The following FANCL variants were observed in gnomAD, a reference collection of about 807,000 sequenced individuals.
The protein encoded by FANCL is FA complementation group L, also known as E3 ubiquitin-protein ligase FANCL.
A neutral mutation model predicts 59.4 loss-of-function variants in FANCL; 69 were observed. The observed-to-expected ratio is 1.16, with a 90% CI of 0.96 to 1.42. The LOEUF (loss-of-function observed/expected upper bound fraction) is 1.42, where lower values mean the gene tolerates loss of function less well. FANCL is among the 40% of genes most tolerant of loss of function. The pLI is 0.00. For missense variants in FANCL, 519 were observed against 447.2 expected, an observed-to-expected ratio of 1.16 and a Z score of -1.45; for synonymous variants, 180 against 147.1, an observed-to-expected ratio of 1.22 and a Z score of -1.62.
intron 7 of FANCL, among the ~76,000 whole-genome samples, chr2:58,184,694 A>G (rs970811405): frequency 3.9e-5 from 6 of 152,088 alleles, no homozygotes; most frequent in African/African-American, 1.4e-4. Flanking sequence ...CAAAAGCAAT[A>G]AACTGTCTTA....
intron 7 of FANCL, among the ~76,000 whole-genome samples, chr2:58,168,514 G>C (rs1230276177): frequency 5.9e-5 from 9 of 152,060 alleles, no homozygotes; most frequent in Admixed American, 3.9e-4. Context: ...GCACAAAACT[G>C]GGTGGTCATT....
At chr2:58,172,168 A>G (rs1005371742) in intron 7 of FANCL, among the ~76,000 whole-genome samples, 5 of 152,204 alleles carry the variant, frequency 3.3e-5, no homozygotes, top group Non-Finnish European at 5.9e-5. Flanking sequence ...ACCTCTGGGG[A>G]CACGGCACAG....
In FANCL at chr2:58,225,091, T is replaced by A. The variant is rs375705760; in HGVS notation, c.273+1637A>T. ...GTATCAGAAGGCAAACAAGCTTGGG[T>A]TATATTAAATAAAGAGCCAATATGA... On this transcript the variant is annotated intron_variant, in intron 4 of 13. Coordinates refer to ENST00000233741, the MANE Select transcript of FANCL (RefSeq NM_018062.4). Among the ~76,000 whole-genome samples, 49 of 151,804 alleles carry A rather than the reference T, an allele frequency of 3.2e-4. No homozygotes were observed. In the South Asian group the frequency reaches 9.5e-3, roughly 30 times the overall value.
chr2:58,197,350 T>G (rs1483043053), intron 7 of FANCL, among the ~76,000 whole-genome samples: 2 of 152,146 alleles, frequency 1.3e-5, no homozygotes, highest in Non-Finnish European at 2.9e-5. Context: ...TATTTAAATC[T>G]AACCAAAATT....
At chr2:58,180,099 T>G (rs150796502) in intron 7 of FANCL, among the ~76,000 whole-genome samples, 1 of 152,088 alleles carries the variant, frequency 6.6e-6, no homozygotes, top group Non-Finnish European at 1.5e-5. Flanking sequence ...TGTGGAGAAA[T>G]AGGAATGCTT....
At chr2:58,228,628 A>AT (rs1292062589) in intron 3 of FANCL, among the ~76,000 whole-genome samples, 1 of 152,242 alleles carries the variant, frequency 6.6e-6, no homozygotes, top group Non-Finnish European at 1.5e-5. Flanking sequence ...AGAAAAACTT[A>AT]TTATCTGGTT....
chr2:58,177,353 T>G (rs569413378), intron 7 of FANCL, among the ~76,000 whole-genome samples: 89 of 152,236 alleles, frequency 5.8e-4, no homozygotes, highest in Non-Finnish European at 1.0e-3. Context: ...GCAGCACTAT[T>G]CACAACAGCA....
intron 6 of FANCL, 122 bp from the exon 7 acceptor site, chr2:58,198,784 C>T (rs1689693984): frequency 2.8e-6 from 2 of 712,100 alleles, no homozygotes; most frequent in African/African-American, 1.8e-5. Flanking sequence ...AATCCCAGCA[C>T]TTTGGGAGGC....
At chr2:58,219,540 C>T (rs1454998796) in intron 5 of FANCL, among the ~76,000 whole-genome samples, 2 of 151,824 alleles carry the variant, frequency 1.3e-5, no homozygotes, top group Non-Finnish European at 2.9e-5. Context: ...AGTAACTTTA[C>T]GGTGCAGAAA....
Position 58,217,143 on chromosome 2 carries a change from ATT to A in FANCL, c.374+4797_374+4798del, listed in dbSNP as rs1558805998. On this transcript the variant is annotated intron_variant, in intron 5 of 13. Coordinates refer to ENST00000233741, the MANE Select transcript of FANCL (RefSeq NM_018062.4). ...CATATATATATATTTTTATATATAG[ATT>A]TATATATATATTTATATATTTTATA... is the stretch of plus-strand genomic sequence containing the variant. 3.8e-3 allele frequency among the ~76,000 whole-genome samples: 383 copies of A among 100,878 alleles called. 30 individuals carry two copies. Among genetic ancestry groups the A allele is most frequent in the Admixed American group, 7.1e-3 (54 of 7,628 alleles). 66.2% of individuals were successfully genotyped at this position (100,878 alleles called of 152,430 possible). A position where few individuals can be genotyped will look rare whatever the true frequency, so the allele number is the denominator to read the frequency against.
intron 2 of FANCL, among the ~76,000 whole-genome samples, chr2:58,230,372 T>A (rs1693461581): frequency 6.6e-6 from 1 of 152,108 alleles, no homozygotes; most frequent in Non-Finnish European, 1.5e-5. Flanking sequence ...TGCAGTAGAA[T>A]AGCTGACTGC....
intron 7 of FANCL, among the ~76,000 whole-genome samples, chr2:58,166,138 T>C (rs537706179): frequency 2.3e-4 from 27 of 116,700 alleles, no homozygotes; most frequent in Middle Eastern, 3.9e-3. Context: ...ATGCTTGATA[T>C]ACTACACGTA....
At chr2:58,181,427 T>C (rs755199779) in intron 7 of FANCL, among the ~76,000 whole-genome samples, 5 of 152,058 alleles carry the variant, frequency 3.3e-5, no homozygotes, top group Non-Finnish European at 5.9e-5. Flanking sequence ...AATAATGTTC[T>C]GCATCTTGAC....
chr2:58,187,924 T>A (rs1297694016), intron 7 of FANCL, among the ~76,000 whole-genome samples: 1 of 152,204 alleles, frequency 6.6e-6, no homozygotes, highest in Non-Finnish European at 1.5e-5. Context: ...AAATTTTTAA[T>A]TTTGATGACG....
At chr2:58,238,337 T>C (rs1694212202) in intron 1 of FANCL, among the ~76,000 whole-genome samples, 1 of 152,234 alleles carries the variant, frequency 6.6e-6, no homozygotes, top group Non-Finnish European at 1.5e-5. Context: ...GATCAAGAAC[T>C]ACCATCCAAG....
At chr2:58,205,606 T>C (rs1307912296) in intron 5 of FANCL, among the ~76,000 whole-genome samples, 1 of 152,052 alleles carries the variant, frequency 6.6e-6, no homozygotes, top group East Asian at 1.9e-4. Flanking sequence ...TAAAAAATGT[T>C]TCAAAGGTAT....
chr2:58,201,214 A>C (rs1391258591), intron 6 of FANCL, among the ~76,000 whole-genome samples: 1 of 151,582 alleles, frequency 6.6e-6, no homozygotes, highest in East Asian at 1.9e-4. Flanking sequence ...AAAACCACTG[A>C]CAACTAATTG....
chr2:58,174,503 T>C (rs947414650), intron 7 of FANCL, among the ~76,000 whole-genome samples: 24 of 152,170 alleles, frequency 1.6e-4, no homozygotes, highest in Non-Finnish European at 2.9e-4. Context: ...ACCGCTCATC[T>C]ACATGGAAAC....
At chr2:58,240,543 T>C (rs1694428470) in intron 1 of FANCL, among the ~76,000 whole-genome samples, 1 of 152,240 alleles carries the variant, frequency 6.6e-6, no homozygotes, top group African/African-American at 2.4e-5. Flanking sequence ...ATGATGATTC[T>C]TTTAAAAATT....
Sources: allele counts gnomAD v4.1 joint callset (sites outside exome capture counted in the v4.1 genomes callset), GRCh38; gene constraint gnomAD v4.1.1; transcripts MANE v1.5; gene names NCBI Gene and HGNC (gene_info 2026-07-23, HGNC 2026-07-21).